Variants in MYO9A observed in about 807,000 individuals in gnomAD.
MYO9A encodes myosin IXA, also known as unconventional myosin-IXa.
A neutral mutation model predicts 293.3 loss-of-function variants in MYO9A; 103 were observed. The observed-to-expected ratio is 0.35, with a 90% CI of 0.30 to 0.41. The LOEUF is 0.41. MYO9A is among the 10% of genes least tolerant of loss of function. The probability of loss-of-function intolerance (pLI) is 1.00; values close to 1 mark genes in which losing one functional copy is unlikely to be tolerated. For synonymous variants in MYO9A, 1,001 were observed against 1,035.7 expected, an observed-to-expected ratio of 0.97 and a Z score of 0.64; for missense variants, 2,685 against 3,033.0, an observed-to-expected ratio of 0.89 and a Z score of 2.69.
chr15:71,892,627 T>C (rs2054601), intron 26 of MYO9A: 35,937 of 168,580 alleles, frequency 0.21, 4,171 homozygotes, highest in East Asian at 0.4. Context: ...GTAGTTGCAA[T>C]AGAGACTATA....
At chr15:72,059,973 C>CATGCT (rs1489115403) in intron 1 of MYO9A, among the ~76,000 whole-genome samples, 1 of 152,176 alleles carries the variant, frequency 6.6e-6, no homozygotes, top group African/African-American at 2.4e-5. Context: ...AAAAAACCTA[C>CATGCT]ATGCTACAAG....
At chr15:71,915,426 TC>T (rs1384829625) in intron 19 of MYO9A, among the ~76,000 whole-genome samples, 8 of 151,670 alleles carry the variant, frequency 5.3e-5, no homozygotes, top group African/African-American at 1.7e-4. Context: ...CTTTTTCATT[TC>T]TTTTTTTTTT....
In MYO9A at chr15:72,116,839, C is replaced by T. The variant is rs532974901; in HGVS notation, c.-72+841G>A. The T allele has an allele frequency of 5.9e-5, 9 of 152,314 alleles. No homozygotes were observed. The East Asian group carries it at 1.7e-3, about 29-fold the overall frequency. 9.4% of individuals were successfully genotyped at this position (152,314 alleles called of 1,614,324 possible). ...CAGAACAGACAAGACGAGGTGCAGGCTCTGTGACCTTATAATGGCACACAC... is the reference window on the plus strand; with the variant it reads ...CAGAACAGACAAGACGAGGTGCAGGTTCTGTGACCTTATAATGGCACACAC... On this transcript the variant is annotated intron_variant, in intron 1 of 41. Coordinates refer to ENST00000356056, the MANE Select transcript of MYO9A (RefSeq NM_006901.4).
At chr15:71,996,201 C>A (rs995961896) in intron 9 of MYO9A, among the ~76,000 whole-genome samples, 13 of 151,822 alleles carry the variant, frequency 8.6e-5, no homozygotes, top group African/African-American at 3.1e-4. Context: ...AGGAAAAGTA[C>A]AATATTTTAA....
chr15:71,878,703 C>CAT (rs2056771421), intron 30 of MYO9A, among the ~76,000 whole-genome samples: 1 of 148,274 alleles, frequency 6.7e-6, no homozygotes, highest in Non-Finnish European at 1.5e-5. Context: ...TTGCAAGGAA[C>CAT]TGAAATAGAA....
chr15:72,054,302 AT>A (rs34727094), intron 1 of MYO9A, among the ~76,000 whole-genome samples: 4,091 of 152,314 alleles, frequency 0.027, 157 homozygotes, highest in East Asian at 0.18. Flanking sequence ...ACAGAAAAAG[AT>A]TACAAGAAGT....
At chr15:72,070,636 A>G (rs2079162930) in intron 1 of MYO9A, among the ~76,000 whole-genome samples, 2 of 151,880 alleles carry the variant, frequency 1.3e-5, no homozygotes, top group African/African-American at 4.8e-5. Flanking sequence ...GCTGCGGTGA[A>G]CCAAAACCGC....
intron 1 of MYO9A, among the ~76,000 whole-genome samples, chr15:72,098,734 G>A (rs2080149028): frequency 6.6e-6 from 1 of 152,088 alleles, no homozygotes. Context: ...CTAGCCAGGG[G>A]GCTGAGGCAG....
intron 28 of MYO9A, 77 bp downstream of exon 28, chr15:71,883,516 AT>A: frequency 6.9e-7 from 1 of 1,443,466 alleles, no homozygotes; most frequent in Non-Finnish European, 9.4e-7. Context: ...GACATTATGA[AT>A]ACTACAGGAA....
intron 1 of MYO9A, among the ~76,000 whole-genome samples, chr15:72,055,550 C>T (rs1186318814): frequency 6.6e-6 from 1 of 152,036 alleles, no homozygotes; most frequent in Non-Finnish European, 1.5e-5. Context: ...GTAAGAAAAT[C>T]TTCACAATGT....
intron 13 of MYO9A, among the ~76,000 whole-genome samples, chr15:71,965,642 A>C (rs1035005048): frequency 6.6e-6 from 1 of 152,148 alleles, no homozygotes; most frequent in East Asian, 1.9e-4. Context: ...GCTACTCAGG[A>C]GGCAGAGAAT....
At chr15:71,894,535 C>T (rs1406541137) in intron 25 of MYO9A, among the ~76,000 whole-genome samples, 1 of 152,100 alleles carries the variant, frequency 6.6e-6, no homozygotes, top group African/African-American at 2.4e-5. Flanking sequence ...CAAGATCGTG[C>T]CACTGCACAC....
intron 1 of MYO9A, among the ~76,000 whole-genome samples, chr15:72,103,296 C>T (rs1339274106): frequency 1.5e-5 from 2 of 135,516 alleles, no homozygotes; most frequent in Admixed American, 1.5e-4. Context: ...CAAGCAGCAG[C>T]AGCAGAAGCA....
Position 72,118,036 on chromosome 15 carries a change from A to G in MYO9A, c.-428T>C. The G allele has an allele frequency of 2.5e-6, 1 of 396,460 alleles. No homozygotes were observed. Among genetic ancestry groups the G allele is most frequent in the East Asian group, 3.6e-5 (1 of 27,974 alleles). 24.6% of individuals were successfully genotyped at this position (396,460 alleles called of 1,614,324 possible). ...CCGGGCTGTCCTGTACTCTCTCAAC[A>G]GACACAGCCAACCGCCGCCGCGTCC... On this transcript the variant is annotated 5_prime_UTR_variant, in exon 1 of 42. Coordinates refer to ENST00000356056, the MANE Select transcript of MYO9A (RefSeq NM_006901.4).
Position 71,862,609 on chromosome 15 carries a change from C to A in MYO9A, c.5982G>T (p.Val1994=). 6.2e-7 allele frequency: 1 copy of A among 1,601,560 alleles called. No individual in the cohort carries two copies. The highest frequency in any genetic ancestry group is 8.5e-7 in the Non-Finnish European group (1 of 1,169,640). Residue 1994 remains valine (V), a splice_region_variant and synonymous_variant, in exon 33 of 42, where the codon GTG becomes GTT. Transcript: ENST00000356056. ...TAAAGATGTGACCATTGTGTTCTTC[C>A]ACCTGAATGAAAAAATTTAGCTACT... ...KKRRKKETDL[V]EEHNGHIFKA... is the part of the protein sequence containing the mutation.
chr15:71,859,418 C>T lies in MYO9A; in HGVS notation c.6153+317G>A, dbSNP rs190997409. Among the ~76,000 whole-genome samples the T allele has an allele frequency of 4.5e-4, 69 of 152,188 alleles. 1 individual carries two copies. The East Asian group carries it at 0.012, about 26-fold the overall frequency. ...TAGCTTACTGCATTAAGGATAATTC[C>T]TAGAAGATTTATGAGCATTTAAGGA... On this transcript the variant is annotated intron_variant, in intron 34 of 41. Transcript: ENST00000356056.
At chr15:71,862,755 T>C (rs2056188102) in intron 32 of MYO9A, 144 bp from the exon 33 acceptor site, 1 of 558,066 alleles carries the variant, frequency 1.8e-6, no homozygotes, top group Non-Finnish European at 3.2e-6. Context: ...AGAAATAACA[T>C]AAAATAAAAT....
intron 13 of MYO9A, among the ~76,000 whole-genome samples, chr15:71,961,912 C>T (rs1308916130): frequency 6.6e-6 from 1 of 151,930 alleles, no homozygotes; most frequent in African/African-American, 2.4e-5. Flanking sequence ...TTTGTAGAGA[C>T]AGAGTCTTGC....
intron 39 of MYO9A, among the ~76,000 whole-genome samples, chr15:71,845,967 A>C (rs1454154493): frequency 6.6e-6 from 1 of 152,220 alleles, no homozygotes; most frequent in Non-Finnish European, 1.5e-5. Flanking sequence ...ATATGAAGGG[A>C]ATCTGTTACT....
Sources: gnomAD v4.1 joint callset for allele counts (sites outside exome capture counted in the v4.1 genomes callset) on GRCh38, gnomAD v4.1.1 for gene constraint, MANE v1.5 for transcripts, NCBI Gene and HGNC (gene_info 2026-07-23, HGNC 2026-07-21) for gene names.